COPG2: variants seen among roughly 807,000 people sequenced by gnomAD.
The protein encoded by COPG2 is coatomer subunit gamma-2.
In COPG2, 37 loss-of-function variants were observed where a neutral mutation model predicts 46.3. That is an observed-to-expected ratio of 0.80 (90% CI 0.61 to 1.05). The LOEUF is 1.05. Ranked by LOEUF, COPG2 falls within the 50% of genes least tolerant of loss-of-function variation. The pLI, the probability that COPG2 is intolerant of heterozygous loss-of-function variation, is 0.00. For missense variants in COPG2, 427 were observed against 387.8 expected, an observed-to-expected ratio of 1.10 and a Z score of -0.85; for synonymous variants, 159 against 129.7, an observed-to-expected ratio of 1.23 and a Z score of -1.53.
At chr7:130,516,698 G>C (rs1056153222) in intron 20 of COPG2, among the ~76,000 whole-genome samples, 1 of 152,124 alleles carries the variant, frequency 6.6e-6, no homozygotes, top group South Asian at 2.1e-4. Context: ...TGAGAGTTGG[G>C]AATTTGTCAG....
chr7:130,519,250 G>T (rs1340707315), intron 20 of COPG2, among the ~76,000 whole-genome samples: 1 of 152,168 alleles, frequency 6.6e-6, no homozygotes, highest in Non-Finnish European at 1.5e-5. Context: ...GGGGGAGTGA[G>T]AACATAGCAA....
At chr7:130,650,850 C>CA (rs1304111626) in intron 5 of COPG2, among the ~76,000 whole-genome samples, 4 of 152,158 alleles carry the variant, frequency 2.6e-5, no homozygotes, top group Non-Finnish European at 5.9e-5. Context: ...ATCTATTTTG[C>CA]AACAATGGAG....
intron 1 of COPG2, 94 bp from the exon 2 acceptor site, chr7:130,667,628 G>T: frequency 1.1e-6 from 1 of 917,748 alleles, no homozygotes; most frequent in Non-Finnish European, 1.7e-6. Flanking sequence ...CTTGGGAAGT[G>T]AACACTTGGA....
At chr7:130,530,645 G>T (rs1010949081) in intron 20 of COPG2, among the ~76,000 whole-genome samples, 62 of 152,266 alleles carry the variant, frequency 4.1e-4, no homozygotes, top group African/African-American at 1.4e-3. Flanking sequence ...AGACAGGCAG[G>T]TACCTTCCCC....
At chr7:130,632,196 T>C (rs1218671640) in intron 5 of COPG2, among the ~76,000 whole-genome samples, 1 of 152,258 alleles carries the variant, frequency 6.6e-6, no homozygotes, top group Admixed American at 6.5e-5. Flanking sequence ...GAAGTCTTTA[T>C]TTCACCTTCA....
chr7:130,618,096 G>C (rs1177463702), intron 5 of COPG2, among the ~76,000 whole-genome samples: 7 of 7,558 alleles, frequency 9.3e-4, no homozygotes, highest in African/African-American at 2.4e-3. Context: ...GTGAGACCCT[G>C]TCTCAAAAAA....
At chr7:130,629,717 T>C (rs1268894667) in intron 5 of COPG2, among the ~76,000 whole-genome samples, 6 of 152,042 alleles carry the variant, frequency 3.9e-5, no homozygotes, top group Non-Finnish European at 8.8e-5. Flanking sequence ...ATTCTACATA[T>C]GCTAGTCTGT....
At chr7:130,510,229 C>T (rs993644603) in intron 20 of COPG2, 9 of 519,852 alleles carry the variant, frequency 1.7e-5, no homozygotes, top group East Asian at 1.6e-4. Context: ...TGAAAACAGA[C>T]GATGGCAGTG....
intron 5 of COPG2, among the ~76,000 whole-genome samples, chr7:130,644,109 A>C (rs1554457727): frequency 6.6e-6 from 1 of 151,786 alleles, no homozygotes; most frequent in Non-Finnish European, 1.5e-5. Flanking sequence ...ATGAATCCCT[A>C]AATAGGTTTC....
chr7:130,589,767 T>C (rs1464123266), intron 9 of COPG2, among the ~76,000 whole-genome samples: 1 of 152,238 alleles, frequency 6.6e-6, no homozygotes, highest in East Asian at 1.9e-4. Context: ...TCTGCATTTC[T>C]CTAATCAATA....
intron 20 of COPG2, among the ~76,000 whole-genome samples, chr7:130,541,033 G>C (rs1441861643): frequency 6.6e-6 from 1 of 152,206 alleles, no homozygotes; most frequent in East Asian, 1.9e-4. Flanking sequence ...GGTGGATGCG[G>C]GAGGATGGAG....
At chr7:130,552,765 A>C (rs1793552572) in intron 14 of COPG2, among the ~76,000 whole-genome samples, 1 of 152,202 alleles carries the variant, frequency 6.6e-6, no homozygotes, top group Non-Finnish European at 1.5e-5. Context: ...CCCCAAGCAT[A>C]AAAAGAAATT....
intron 20 of COPG2, among the ~76,000 whole-genome samples, chr7:130,513,570 G>A (rs1799646972): frequency 6.6e-6 from 1 of 151,454 alleles, no homozygotes; most frequent in Non-Finnish European, 1.5e-5. Flanking sequence ...AATAAGAACT[G>A]GTGTCATGAG....
At chr7:130,562,374 A>C (rs1793733822) in intron 11 of COPG2, among the ~76,000 whole-genome samples, 1 of 152,118 alleles carries the variant, frequency 6.6e-6, no homozygotes, top group Admixed American at 6.5e-5. Flanking sequence ...AAAATAAATA[A>C]ATAAAAAACC....
At chr7:130,635,664 T>A (rs1270920754) in intron 5 of COPG2, among the ~76,000 whole-genome samples, 2 of 152,226 alleles carry the variant, frequency 1.3e-5, no homozygotes, top group Non-Finnish European at 2.9e-5. Context: ...GCTCCTGGAT[T>A]CATTGATTTT....
At chr7:130,597,126 C>A (rs144418681) in intron 9 of COPG2, among the ~76,000 whole-genome samples, 3 of 152,154 alleles carry the variant, frequency 2.0e-5, no homozygotes, top group Non-Finnish European at 2.9e-5. Context: ...CACGATCCCC[C>A]TTTTGGGAAA....
At chr7:130,591,639 G>A (rs1281656036) in intron 9 of COPG2, among the ~76,000 whole-genome samples, 2 of 147,596 alleles carry the variant, frequency 1.4e-5, no homozygotes, top group Non-Finnish European at 3.0e-5. Flanking sequence ...CGCCCCGTCC[G>A]GTTGGTGAGG....
intron 22 of COPG2, 96 bp downstream of exon 22, chr7:130,507,589 T>A (rs1349107265): frequency 6.1e-6 from 4 of 660,696 alleles, no homozygotes; most frequent in Non-Finnish European, 1.1e-5. Context: ...TTATGAAGTT[T>A]TTTTTTTTTT....
chr7:130,576,049 T>C (rs1443221957), intron 9 of COPG2, among the ~76,000 whole-genome samples: 1 of 152,072 alleles, frequency 6.6e-6, no homozygotes, highest in East Asian at 1.9e-4. Flanking sequence ...CACCCAAAAC[T>C]TGAGCTCCCA....
Sources: allele counts gnomAD v4.1 joint callset (sites outside exome capture counted in the v4.1 genomes callset), GRCh38; gene constraint gnomAD v4.1.1; transcripts MANE v1.5; gene names NCBI Gene and HGNC (gene_info 2026-07-23, HGNC 2026-07-21).